FGF10: variants seen among roughly 807,000 people sequenced by gnomAD.
FGF10 encodes fibroblast growth factor 10.
FGF10 carries 2 observed loss-of-function variants against 19.8 expected under a neutral mutation model. The ratio of observed to expected loss-of-function variants is 0.10; its 90% CI spans 0.04 to 0.32. FGF10 has a LOEUF of 0.32. Ranked by LOEUF, FGF10 falls within the 10% of genes least tolerant of loss-of-function variation. The pLI is 1.00. For missense variants in FGF10, 191 were observed against 246.3 expected (o/e 0.78, Z 1.50); for synonymous variants, 112 against 94.0 (o/e 1.19, Z -1.10).
At chr5:44,334,173 GTTATGCCCCATTTTT>G (rs1019982185) in intron 1 of FGF10, among the ~76,000 whole-genome samples, 2 of 151,930 alleles carry the variant, frequency 1.3e-5, no homozygotes, top group African/African-American at 4.8e-5. Flanking sequence ...TTGAAACTTT[GTTATGCCCCATTTTT>G]TTATTTTGAA....
chr5:44,372,485 A>T (rs188507821), intron 1 of FGF10, among the ~76,000 whole-genome samples: 1 of 152,160 alleles, frequency 6.6e-6, no homozygotes, highest in Non-Finnish European at 1.5e-5. Context: ...ATAGTCACAC[A>T]TTCCAGGGAT....
intron 1 of FGF10, among the ~76,000 whole-genome samples, chr5:44,386,128 A>C (rs1464591235): frequency 6.6e-6 from 1 of 152,090 alleles, no homozygotes; most frequent in Non-Finnish European, 1.5e-5. Context: ...TTTATACAAT[A>C]TATATTGTAT....
intron 1 of FGF10, among the ~76,000 whole-genome samples, chr5:44,315,387 G>A (rs563203701): frequency 6.6e-6 from 1 of 152,002 alleles, no homozygotes; most frequent in Admixed American, 6.6e-5. Context: ...ATAAAAACAG[G>A]CTTGGAGAGA....
At chr5:44,334,469 A>C (rs1478060737) in intron 1 of FGF10, among the ~76,000 whole-genome samples, 3 of 152,126 alleles carry the variant, frequency 2.0e-5, no homozygotes, top group African/African-American at 7.2e-5. Flanking sequence ...ACATAGGGGA[A>C]TATGGTTACT....
chr5:44,314,476 G>A (rs1218479866), intron 1 of FGF10, among the ~76,000 whole-genome samples: 2 of 151,970 alleles, frequency 1.3e-5, no homozygotes, highest in Non-Finnish European at 2.9e-5. Flanking sequence ...TTACAAAAGC[G>A]ATTATGACAA....
intron 1 of FGF10, among the ~76,000 whole-genome samples, chr5:44,350,640 A>G (rs1741211352): frequency 6.6e-6 from 1 of 151,090 alleles, no homozygotes; most frequent in Non-Finnish European, 1.5e-5. Context: ...AGTTTTATAT[A>G]TTATTGCTGT....
At chr5:44,386,187 T>G (rs145564707) in intron 1 of FGF10, among the ~76,000 whole-genome samples, 5 of 152,280 alleles carry the variant, frequency 3.3e-5, no homozygotes, top group East Asian at 1.9e-4. Context: ...AAATTCAGTG[T>G]GTACTGTGGA....
chr5:44,382,579 A>G (rs1742008128), intron 1 of FGF10, among the ~76,000 whole-genome samples: 1 of 152,178 alleles, frequency 6.6e-6, no homozygotes, highest in South Asian at 2.1e-4. Flanking sequence ...GAGAAGAAAG[A>G]GTGCCGATTA....
chr5:44,325,826 C>A (rs1031799804), intron 1 of FGF10, among the ~76,000 whole-genome samples: 2 of 152,002 alleles, frequency 1.3e-5, no homozygotes, highest in Non-Finnish European at 2.9e-5. Context: ...ACATATGTTA[C>A]AAACCTGCAC....
chr5:44,344,862 C>T (rs1197260606), intron 1 of FGF10, among the ~76,000 whole-genome samples: 1 of 150,576 alleles, frequency 6.6e-6, no homozygotes, highest in Non-Finnish European at 1.5e-5. Context: ...TGGATAATAG[C>T]ACTTGTATAT....
chr5:44,341,907 A>G (rs192091108), intron 1 of FGF10, among the ~76,000 whole-genome samples: 58 of 152,146 alleles, frequency 3.8e-4, no homozygotes, highest in Admixed American at 7.9e-4. Flanking sequence ...TATTCAACAA[A>G]TAGTGGTTAT....
At chr5:44,365,047 C>A in intron 1 of FGF10, among the ~76,000 whole-genome samples, 1 of 151,914 alleles carries the variant, frequency 6.6e-6, no homozygotes, top group South Asian at 2.1e-4. Context: ...TGGATACTGT[C>A]AAGTTTCCAA....
intron 1 of FGF10, among the ~76,000 whole-genome samples, chr5:44,312,588 C>T (rs1173435810): frequency 1.3e-5 from 2 of 152,032 alleles, no homozygotes; most frequent in African/African-American, 4.8e-5. Flanking sequence ...TAGAGGATAA[C>T]GTCTGAATCT....
Position 44,304,892 on chromosome 5 carries a change from G to C in FGF10, c.*103C>G. 8.5e-7 allele frequency: 1 copy of C among 1,174,168 alleles called. No homozygotes were observed. The highest frequency in any genetic ancestry group is 1.2e-5 in the South Asian group (1 of 81,330). The allele number at this position is 1,174,168 out of a possible 1,614,324, so 72.7% of individuals were successfully genotyped here. On this transcript the variant is annotated 3_prime_UTR_variant, in exon 3 of 3. Transcript: ENST00000264664. Reference sequence around the variant, plus strand: ...CTTTCTTTTAAGCAAGCAGACATCTGCAACGTGTCTTTGCCTTTCAATCTA... The same window carrying C: ...CTTTCTTTTAAGCAAGCAGACATCTCCAACGTGTCTTTGCCTTTCAATCTA...
chr5:44,345,002 C>T (rs993199403), intron 1 of FGF10, among the ~76,000 whole-genome samples: 14 of 151,696 alleles, frequency 9.2e-5, no homozygotes, highest in South Asian at 4.2e-4. Context: ...TTATTACAAT[C>T]GAGAGTCACA....
At chr5:44,357,832 C>T (rs758763286) in intron 1 of FGF10, among the ~76,000 whole-genome samples, 2 of 151,384 alleles carry the variant, frequency 1.3e-5, no homozygotes, top group Admixed American at 6.6e-5. Flanking sequence ...ACTTAAAAGG[C>T]CATCAGGACC....
At chr5:44,324,671 A>G (rs1364430729) in intron 1 of FGF10, among the ~76,000 whole-genome samples, 1 of 152,154 alleles carries the variant, frequency 6.6e-6, no homozygotes, top group Non-Finnish European at 1.5e-5. Flanking sequence ...ATTTATAATA[A>G]TGCATGATGA....
intron 1 of FGF10, among the ~76,000 whole-genome samples, chr5:44,339,920 G>A (rs1423912049): frequency 6.6e-6 from 1 of 152,102 alleles, no homozygotes; most frequent in Non-Finnish European, 1.5e-5. Context: ...TTTCTCTTGA[G>A]TTGAACTTTC....
intron 1 of FGF10, among the ~76,000 whole-genome samples, chr5:44,341,234 A>G (rs10512845): frequency 0.28 from 42,226 of 151,732 alleles, 6,222 homozygotes; most frequent in Admixed American, 0.4. Context: ...GATATTATGC[A>G]GATTCATTGA....
Sources: gnomAD v4.1 joint callset for allele counts (sites outside exome capture counted in the v4.1 genomes callset) on GRCh38, gnomAD v4.1.1 for gene constraint, MANE v1.5 for transcripts, NCBI Gene and HGNC (gene_info 2026-07-23, HGNC 2026-07-21) for gene names.